Variants in RANGAP1 observed in about 807,000 individuals in gnomAD.
RANGAP1 encodes the protein Ran GTPase activating protein 1.
A neutral mutation model predicts 63.5 loss-of-function variants in RANGAP1; 38 were observed. The observed-to-expected ratio is 0.60, with a 90% CI of 0.46 to 0.78. The LOEUF (loss-of-function observed/expected upper bound fraction) is 0.78. Ranked by LOEUF, RANGAP1 falls within the 30% of genes least tolerant of loss-of-function variation. The pLI is 0.00. For synonymous variants in RANGAP1, 329 were observed against 310.5 expected, an observed-to-expected ratio of 1.06 and a Z score of -0.63; for missense variants, 630 against 740.3, an observed-to-expected ratio of 0.85 and a Z score of 1.73.
At chr22:41,260,975 G>C (rs76167270) in intron 6 of RANGAP1, among the ~76,000 whole-genome samples, 1 of 152,200 alleles carries the variant, frequency 6.6e-6, no homozygotes. Context: ...GAGGAGAGTG[G>C]AAGAGGAGTG....
At position 41,264,860 on chromosome 22, in the gene RANGAP1, C is replaced by T. The variant is rs1252645172; in HGVS notation, c.301-17G>A. ...TAGTGAGATCTGGGCACAGAGGAAGCTCGTGTCAGTTTCATAGACACCCAG... is the reference window on the plus strand; with the variant it reads ...TAGTGAGATCTGGGCACAGAGGAAGTTCGTGTCAGTTTCATAGACACCCAG... On this transcript the variant is annotated splice_polypyrimidine_tract_variant and intron_variant, in intron 4 of 15. Transcript: ENST00000356244. 3 of 1,586,078 alleles carry T rather than the reference C, an allele frequency of 1.9e-6. No individual in the cohort carries two copies. Among genetic ancestry groups the T allele is most frequent in the South Asian group, 1.1e-5 (1 of 89,738 alleles).
intron 3 of RANGAP1, among the ~76,000 whole-genome samples, chr22:41,269,524 C>G (rs940940896): frequency 5.3e-5 from 8 of 151,678 alleles, no homozygotes; most frequent in African/African-American, 1.9e-4. Context: ...CACCTGAGGT[C>G]AGGAGTTTGA....
upstream of RANGAP1, among the ~76,000 whole-genome samples, chr22:41,289,171 G>A (rs1027404389): frequency 3.3e-5 from 5 of 151,502 alleles, no homozygotes; most frequent in African/African-American, 7.3e-5. Flanking sequence ...CACTTACCTC[G>A]GCCTCCCAAA....
intron 1 of RANGAP1, chr22:41,285,702 G>C (rs1321588256): frequency 3.0e-6 from 3 of 984,150 alleles, no homozygotes; most frequent in Non-Finnish European, 3.6e-6. Context: ...CACCGCCTCC[G>C]GTTGACAACA....
At chr22:41,287,855 G>C (rs1460948165), upstream of RANGAP1, among the ~76,000 whole-genome samples, 5 of 151,884 alleles carry the variant, frequency 3.3e-5, no homozygotes, top group African/African-American at 9.7e-5. Context: ...GCATGGTGAC[G>C]CATGCCTGGA....
chr22:41,261,892 G>A (rs905256254), intron 5 of RANGAP1, among the ~76,000 whole-genome samples: 6 of 152,176 alleles, frequency 3.9e-5, no homozygotes, highest in African/African-American at 1.2e-4. Flanking sequence ...CAGGTCCAGG[G>A]GAAGGACTTC....
At chr22:41,272,921 T>C (rs955615712) in intron 3 of RANGAP1, among the ~76,000 whole-genome samples, 2 of 151,988 alleles carry the variant, frequency 1.3e-5, no homozygotes, top group African/African-American at 4.8e-5. Context: ...CAAGCGATCC[T>C]CTCATCTTAG....
At chr22:41,271,376 A>G (rs2034807772) in intron 3 of RANGAP1, among the ~76,000 whole-genome samples, 1 of 144,936 alleles carries the variant, frequency 6.9e-6, no homozygotes, top group African/African-American at 2.5e-5. Flanking sequence ...CAATGGCGTG[A>G]AACTGTCTCT....
the RANGAP1 span, among the ~76,000 whole-genome samples, chr22:41,296,825 T>TAGCCA: frequency 2.0e-5 from 3 of 152,242 alleles, 1 homozygote; most frequent in South Asian, 6.2e-4. Context: ...CTCATGTAAG[T>TAGCCA]ATGAAGACTG....
intron 5 of RANGAP1, among the ~76,000 whole-genome samples, chr22:41,263,802 G>T (rs538061092): frequency 6.6e-6 from 1 of 152,352 alleles, no homozygotes; most frequent in African/African-American, 2.4e-5. Context: ...TCAGGCCGAG[G>T]GACACAGGCA....
intron 2 of RANGAP1, among the ~76,000 whole-genome samples, chr22:41,279,501 T>C (rs1169967309): frequency 2.0e-5 from 3 of 148,278 alleles, no homozygotes; most frequent in African/African-American, 5.0e-5. Context: ...GAAAATTAGC[T>C]GGGCATGGTT....
At chr22:41,293,130 G>C in the RANGAP1 span, among the ~76,000 whole-genome samples, 2 of 151,888 alleles carry the variant, frequency 1.3e-5, no homozygotes, top group African/African-American at 4.8e-5. Flanking sequence ...AGCTACTTGG[G>C]AGGCTGAGGC....
At chr22:41,302,368 AG>A in the RANGAP1 span, among the ~76,000 whole-genome samples, 3 of 151,786 alleles carry the variant, frequency 2.0e-5, no homozygotes, top group Non-Finnish European at 4.4e-5. The surrounding 1 kb of genome is among the most constrained non-coding windows in gnomAD (Gnocchi z 5.7). Context: ...GCCCGCGGGA[AG>A]GGGGCGGCAG....
chr22:41,254,539 C>T (rs1323892116), intron 10 of RANGAP1, 45 bp from the exon 11 acceptor site: 5 of 1,536,014 alleles, frequency 3.3e-6, no homozygotes, highest in African/African-American at 1.4e-5. Context: ...ACCCAGCAGC[C>T]CAGGTTGGCT....
chr22:41,289,440 G>T (rs935527158), upstream of RANGAP1, among the ~76,000 whole-genome samples: 2 of 151,750 alleles, frequency 1.3e-5, no homozygotes, highest in Non-Finnish European at 2.9e-5. Flanking sequence ...TGGCCAACAT[G>T]GTGAAACCCT....
chr22:41,265,016 T>C (rs1317857563), intron 4 of RANGAP1, among the ~76,000 whole-genome samples, 173 bp from the exon 5 acceptor site: 1 of 152,202 alleles, frequency 6.6e-6, no homozygotes, highest in Non-Finnish European at 1.5e-5. Context: ...AAAGGGCTCC[T>C]AACAGCTGGA....
intron 13 of RANGAP1, 21 bp downstream of exon 13, chr22:41,250,986 G>T (rs752773217): frequency 6.2e-7 from 1 of 1,606,974 alleles, no homozygotes; most frequent in South Asian, 1.1e-5. Flanking sequence ...GGGCACCCAG[G>T]TCTCACCCAG....
At chr22:41,267,108 A>T (rs1027232419) in intron 4 of RANGAP1, among the ~76,000 whole-genome samples, 2 of 148,316 alleles carry the variant, frequency 1.3e-5, no homozygotes, top group Admixed American at 1.3e-4. Flanking sequence ...TGAACTCCTG[A>T]CCTCAAGCGA....
intron 5 of RANGAP1, among the ~76,000 whole-genome samples, chr22:41,263,754 TA>T (rs1450282975): frequency 1.3e-5 from 2 of 152,214 alleles, no homozygotes; most frequent in African/African-American, 4.8e-5. Context: ...GAGGGCTGGC[TA>T]AGGCAGGCAC....
Sources: allele counts gnomAD v4.1 joint callset (sites outside exome capture counted in the v4.1 genomes callset), GRCh38; gene constraint gnomAD v4.1.1; non-coding constraint Gnocchi (gnomAD v3.1); transcripts MANE v1.5; gene names NCBI Gene and HGNC (gene_info 2026-07-23, HGNC 2026-07-21).